PLCL1: variants seen among roughly 807,000 people sequenced by gnomAD.
PLCL1 encodes inactive phospholipase C-like protein 1.
PLCL1 carries 41 observed loss-of-function variants against 84.4 expected under a neutral mutation model. The ratio of observed to expected loss-of-function variants is 0.49; its 90% confidence interval spans 0.38 to 0.63. PLCL1 has a LOEUF of 0.63. Ranked by LOEUF, PLCL1 falls within the 30% of genes least tolerant of loss-of-function variation. The probability of loss-of-function intolerance (pLI) is 0.00; values close to 1 mark genes in which losing one functional copy is unlikely to be tolerated. For missense variants in PLCL1, 1,206 were observed against 1,367.8 expected, an observed-to-expected ratio of 0.88 and a Z score of 1.87; for synonymous variants, 490 against 488.3, an observed-to-expected ratio of 1.00 and a Z score of -0.05.
rs145667663 is a variant in PLCL1 at position 198,027,401 on chromosome 2, G to T, written c.241-56357G>T. 2.2e-3 allele frequency among the ~76,000 whole-genome samples: 334 copies of T among 152,166 alleles called. 3 individuals carry two copies. Among genetic ancestry groups the T allele is most frequent in the African/African-American group, 7.5e-3 (312 of 41,536 alleles). On this transcript the variant is annotated intron_variant, in intron 1 of 5. Coordinates refer to ENST00000428675, the MANE Select transcript of PLCL1 (RefSeq NM_006226.4). ...GTTCAAAGGGCACAAAATTTAGTTA[G>T]GAGGAAAACGTTCAAGAGACCCATT...
At chr2:198,044,473 T>G (rs1328335662) in intron 1 of PLCL1, among the ~76,000 whole-genome samples, 2 of 152,234 alleles carry the variant, frequency 1.3e-5, no homozygotes, top group Non-Finnish European at 2.9e-5. Context: ...GGAGGAATCC[T>G]GCGAAGCTCA....
At position 198,034,123 on chromosome 2, in the gene PLCL1, C is replaced by T. The variant is rs367694272; in HGVS notation, c.241-49635C>T. Among the ~76,000 whole-genome samples the T allele has an allele frequency of 6.1e-4, 93 of 152,166 alleles. 3 individuals carry two copies. The South Asian group carries it at 0.014, about 22-fold the overall frequency. ...AACTCGTCATTTACGTTAGGTATAT[C>T]TCCTAAAGCTATCCCTCCCCCTCCC... On this transcript the variant is annotated intron_variant, in intron 1 of 5. Coordinates refer to ENST00000428675, the MANE Select transcript of PLCL1 (RefSeq NM_006226.4).
chr2:197,839,596 A>G (rs1574906754), intron 1 of PLCL1, among the ~76,000 whole-genome samples: 1 of 152,188 alleles, frequency 6.6e-6, no homozygotes, highest in Non-Finnish European at 1.5e-5. Flanking sequence ...TGGGCCACAG[A>G]CTGACACCGG....
At chr2:197,829,842 A>G (rs766304828) in intron 1 of PLCL1, among the ~76,000 whole-genome samples, 1 of 152,194 alleles carries the variant, frequency 6.6e-6, no homozygotes, top group Non-Finnish European at 1.5e-5. Flanking sequence ...ATTTTTTCCC[A>G]TGAGTGACAG....
intron 1 of PLCL1, among the ~76,000 whole-genome samples, chr2:198,017,832 G>A (rs1009949152): frequency 3.9e-5 from 6 of 152,232 alleles, no homozygotes; most frequent in Non-Finnish European, 8.8e-5. Context: ...TCATTCAACA[G>A]TAGACATTTA....
At chr2:198,075,258 G>A (rs989909288) in intron 1 of PLCL1, among the ~76,000 whole-genome samples, 1 of 151,838 alleles carries the variant, frequency 6.6e-6, no homozygotes, top group East Asian at 1.9e-4. Flanking sequence ...TAAGAGTTGC[G>A]CAGGCTACCT....
At chr2:198,051,920 A>T (rs1168121040) in intron 1 of PLCL1, among the ~76,000 whole-genome samples, 1 of 147,040 alleles carries the variant, frequency 6.8e-6, no homozygotes, top group Admixed American at 6.7e-5. Flanking sequence ...TATTATTATT[A>T]TTTTTTGAGA....
At chr2:198,127,688 A>G (rs1694020145) in intron 5 of PLCL1, among the ~76,000 whole-genome samples, 1 of 152,148 alleles carries the variant, frequency 6.6e-6, no homozygotes, top group Admixed American at 6.5e-5. Flanking sequence ...AATCTATTTG[A>G]GGTCATTTTT....
chr2:198,070,154 C>T (rs1348456728), intron 1 of PLCL1, among the ~76,000 whole-genome samples: 4 of 152,050 alleles, frequency 2.6e-5, no homozygotes, highest in Non-Finnish European at 2.9e-5. Flanking sequence ...TATGTATGCT[C>T]TGAAAGGTAA....
At chr2:197,949,181 G>A (rs181934204) in intron 1 of PLCL1, among the ~76,000 whole-genome samples, 2,315 of 152,218 alleles carry the variant, frequency 0.015, 60 homozygotes, top group African/African-American at 0.054. Context: ...GTCTATGAGT[G>A]CCTTTTCTGA....
chr2:198,049,549 A>G (rs1317485407), intron 1 of PLCL1, among the ~76,000 whole-genome samples: 1 of 152,168 alleles, frequency 6.6e-6, no homozygotes, highest in East Asian at 1.9e-4. Flanking sequence ...GAGATTTTCA[A>G]TATAGCTTAA....
At position 198,086,037 on chromosome 2, in the gene PLCL1, C is replaced by T; in HGVS notation, c.2520C>T (p.Thr840=). 1.2e-6 allele frequency: 2 copies of T among 1,613,982 alleles called. No homozygotes were observed. Among genetic ancestry groups the T allele is most frequent in the Non-Finnish European group, 8.5e-7 (1 of 1,179,974 alleles). Residue 840 remains threonine (T), a synonymous_variant, in exon 2 of 6, where the codon ACC becomes ACT. Coordinates refer to ENST00000428675, the MANE Select transcript of PLCL1 (RefSeq NM_006226.4). ...TGGGTGACATCATGGAGCACGTAAC[C>T]CTTTTTGTCCACATAGCAATAACTA... is the stretch of plus-strand genomic sequence containing the variant. The part of the protein sequence containing the change: ...SFVGDIMEHV[T]LFVHIAITNR...
rs1485844471 is a variant in PLCL1, at chr2:198,085,781, A to G, written c.2264A>G (p.His755Arg). Residue 755 changes from histidine to arginine, a missense_variant, in exon 2 of 6, where the codon CAC (histidine) becomes CGC (arginine). Physicochemically the swap from His to Arg is conservative, Grantham distance 29 (BLOSUM62 0). Coordinates refer to ENST00000428675, the MANE Select transcript of PLCL1 (RefSeq NM_006226.4). This position sits in a 1 kb window ranked among gnomAD's most constrained non-coding sequence, Gnocchi z 5.3. The part of the protein sequence containing the change: ...VIDPYVCIEI[H>R]GIPADCSEQR... ...GATCCCTATGTTTGTATAGAGATAC[A>G]CGGAATTCCAGCGGATTGTTCGGAA... is the stretch of plus-strand genomic sequence containing the variant. The G allele has an allele frequency of 1.9e-6, 3 of 1,614,130 alleles. No individual in the cohort carries two copies. Among genetic ancestry groups the G allele is most frequent in the Admixed American group, 1.7e-5 (1 of 60,012 alleles).
chr2:198,112,054 C>A (rs1032903949), intron 5 of PLCL1, among the ~76,000 whole-genome samples: 2 of 151,868 alleles, frequency 1.3e-5, no homozygotes, highest in African/African-American at 4.8e-5. Context: ...AAACAACTCT[C>A]TTTTCTCAAT....
chr2:198,093,228 T>G (rs541923516), intron 3 of PLCL1, among the ~76,000 whole-genome samples: 3 of 152,344 alleles, frequency 2.0e-5, no homozygotes, highest in Admixed American at 2.0e-4. Context: ...CATGTCATTA[T>G]ACACTAGTCA....
chr2:198,148,656 G>T lies in PLCL1; in HGVS notation c.*1694G>T, dbSNP rs546582478. 6.6e-6 allele frequency: 1 copy of T among 152,422 alleles called. No individual in the cohort carries two copies. The highest frequency in any genetic ancestry group is 2.4e-5 in the African/African-American group (1 of 41,566). 9.4% of individuals were successfully genotyped at this position (152,422 alleles called of 1,614,324 possible). A position where few individuals can be genotyped will look rare whatever the true frequency, so the allele number is the denominator to read the frequency against. On this transcript the variant is annotated 3_prime_UTR_variant, in exon 6 of 6. Coordinates refer to ENST00000428675, the MANE Select transcript of PLCL1 (RefSeq NM_006226.4). ...ATTTAACTTGCTGGTAGGAGGAATA[G>T]TGGAATGCAGGTGTTAAGCCCTTTG... is the stretch of plus-strand genomic sequence containing the variant.
At chr2:197,999,344 G>C (rs1690543918) in intron 1 of PLCL1, among the ~76,000 whole-genome samples, 1 of 152,172 alleles carries the variant, frequency 6.6e-6, no homozygotes, top group Non-Finnish European at 1.5e-5. Flanking sequence ...CAATAAAAAG[G>C]ACCCTATAAA....
chr2:197,835,255 T>A (rs1343467771), intron 1 of PLCL1, among the ~76,000 whole-genome samples: 1 of 152,164 alleles, frequency 6.6e-6, no homozygotes, highest in East Asian at 1.9e-4. Context: ...TGTAACAAAC[T>A]GCACATTCTG....
chr2:197,950,034 G>A (rs928591979), intron 1 of PLCL1, among the ~76,000 whole-genome samples: 29 of 152,232 alleles, frequency 1.9e-4, no homozygotes, highest in Admixed American at 9.8e-4. Context: ...GAAACTTGGG[G>A]CAGAGCTTTG....
Sources: gnomAD v4.1 joint callset for allele counts (sites outside exome capture counted in the v4.1 genomes callset) on GRCh38, gnomAD v4.1.1 for gene constraint, Gnocchi (gnomAD v3.1) non-coding constraint, MANE v1.5 for transcripts, NCBI Gene and HGNC (gene_info 2026-07-23, HGNC 2026-07-21) for gene names.